The following RBFOX1 variants were observed in gnomAD, a reference collection of about 807,000 sequenced individuals.
The protein encoded by RBFOX1 is RNA binding fox-1 homolog 1, also known as RNA binding protein fox-1 homolog 1.
In RBFOX1, 8 loss-of-function variants were observed where a neutral mutation model predicts 57.7. That is an observed-to-expected ratio of 0.14 (90% CI 0.08 to 0.25). The LOEUF (loss-of-function observed/expected upper bound fraction) is 0.25. RBFOX1 is among the 10% of genes least tolerant of loss of function. The pLI is 1.00. For synonymous variants in RBFOX1, 326 were observed against 222.4 expected (o/e 1.47, Z -4.15); for missense variants, 611 against 548.5 (o/e 1.11, Z -1.14).
Position 6,794,831 on chromosome 16 carries a change from T to C in RBFOX1, c.-16+140181T>C, listed in dbSNP as rs201439268. On this transcript the variant is annotated intron_variant, in intron 3 of 15. Transcript: ENST00000550418. The stretch of plus-strand genomic sequence containing the variant: ...ATGGATTTTTATTTGATGCAGGCAC[T>C]GCTTTCCAAGGTAATTGTCAAGGGC... Among the ~76,000 whole-genome samples, 4 of 152,300 alleles carry C rather than the reference T, an allele frequency of 2.6e-5. No homozygotes were observed. In the East Asian group the frequency reaches 5.8e-4, roughly 22 times the overall value.
At chr16:7,139,694 T>A (rs558264683) in intron 4 of RBFOX1, among the ~76,000 whole-genome samples, 6 of 152,256 alleles carry the variant, frequency 3.9e-5, no homozygotes, top group African/African-American at 1.4e-4. Flanking sequence ...TTCAAGAATG[T>A]TGGGTTGGTG....
At chr16:5,588,835 G>A (rs764480076) in intron 2 of RBFOX1, among the ~76,000 whole-genome samples, 15 of 152,174 alleles carry the variant, frequency 9.9e-5, no homozygotes, top group Non-Finnish European at 2.2e-4. Context: ...CATTACAGAT[G>A]CCCACATGAG....
intron 3 of RBFOX1, 114 bp downstream of exon 3, chr16:6,654,764 C>A (rs1219836980): frequency 2.9e-6 from 2 of 689,692 alleles, no homozygotes; most frequent in Non-Finnish European, 4.5e-6. Flanking sequence ...GATTCACGGT[C>A]TATGACATAT....
At chr16:6,778,861 C>G (rs981535284) in intron 3 of RBFOX1, among the ~76,000 whole-genome samples, 1 of 144,794 alleles carries the variant, frequency 6.9e-6, no homozygotes, top group African/African-American at 2.6e-5. Flanking sequence ...ACCACACACT[C>G]TAGTTTTTTT....
intron 3 of RBFOX1, among the ~76,000 whole-genome samples, chr16:6,898,105 A>G (rs2067417546): frequency 6.6e-6 from 1 of 152,216 alleles, no homozygotes; most frequent in African/African-American, 2.4e-5. Flanking sequence ...AACCGAGTAA[A>G]TTCCACACCA....
intron 2 of RBFOX1, among the ~76,000 whole-genome samples, chr16:6,507,517 A>AAAC (rs2153762376): frequency 6.6e-6 from 1 of 151,088 alleles, no homozygotes; most frequent in African/African-American, 2.4e-5. Context: ...CAAAAAAAAA[A>AAAC]AAAAAAAAGC....
intron 4 of RBFOX1, among the ~76,000 whole-genome samples, chr16:7,360,009 A>C (rs1052915794): frequency 2.0e-5 from 3 of 151,616 alleles, no homozygotes; most frequent in African/African-American, 4.8e-5. Context: ...ACAAACAAAC[A>C]AAAAAACCAC....
At chr16:7,232,066 C>G (rs754392768) in intron 4 of RBFOX1, among the ~76,000 whole-genome samples, 1 of 152,038 alleles carries the variant, frequency 6.6e-6, no homozygotes, top group Non-Finnish European at 1.5e-5. Flanking sequence ...CGGTCTGTCA[C>G]CCAGGCTAGA....
intron 3 of RBFOX1, among the ~76,000 whole-genome samples, chr16:5,731,769 G>A (rs1384072509): frequency 6.6e-6 from 1 of 152,214 alleles, no homozygotes; most frequent in Admixed American, 6.5e-5. Context: ...TTGAGGTCAT[G>A]AAGAGGATAG....
At chr16:7,095,037 G>C (rs772565203) in intron 4 of RBFOX1, among the ~76,000 whole-genome samples, 1 of 152,032 alleles carries the variant, frequency 6.6e-6, no homozygotes, top group African/African-American at 2.4e-5. Flanking sequence ...TTGCAATTCT[G>C]TTATTTGCAA....
chr16:7,188,968 C>T (rs191570081), intron 4 of RBFOX1, among the ~76,000 whole-genome samples: 3 of 152,232 alleles, frequency 2.0e-5, no homozygotes, highest in African/African-American at 7.2e-5. Flanking sequence ...CTTGATAAAC[C>T]ACTCAAGGAA....
chr16:7,403,417 TCTC>T (rs1161712516), intron 4 of RBFOX1, among the ~76,000 whole-genome samples: 2 of 152,148 alleles, frequency 1.3e-5, no homozygotes, highest in South Asian at 2.1e-4. Context: ...CAACCACTCT[TCTC>T]CTGTCTGTCT....
intron 3 of RBFOX1, among the ~76,000 whole-genome samples, chr16:6,888,971 GC>G (rs2064797029): frequency 6.6e-6 from 1 of 152,168 alleles, no homozygotes; most frequent in Non-Finnish European, 1.5e-5. Context: ...GGCAGACACA[GC>G]TTTTCTGTTT....
chr16:5,660,163 G>A (rs11860056), intron 3 of RBFOX1, among the ~76,000 whole-genome samples: 4,838 of 152,248 alleles, frequency 0.032, 241 homozygotes, highest in African/African-American at 0.11. Context: ...TTGACTGGGG[G>A]ACCTGGAGTG....
chr16:5,725,449 G>C (rs2052109327), intron 3 of RBFOX1, among the ~76,000 whole-genome samples: 1 of 151,802 alleles, frequency 6.6e-6, no homozygotes, highest in Admixed American at 6.6e-5. Context: ...TTTTTGTAGA[G>C]ATGAGGTCTT....
At chr16:7,041,816 G>A (rs1597801690) in intron 3 of RBFOX1, among the ~76,000 whole-genome samples, 1 of 152,158 alleles carries the variant, frequency 6.6e-6, no homozygotes, top group Non-Finnish European at 1.5e-5. Flanking sequence ...AATACCAATT[G>A]CTGGTATTTG....
intron 3 of RBFOX1, among the ~76,000 whole-genome samples, chr16:6,767,853 G>C (rs1231794087): frequency 6.6e-6 from 1 of 151,454 alleles, no homozygotes; most frequent in Admixed American, 6.6e-5. Context: ...GGTGGAGGTT[G>C]CAGTGAGCCG....
chr16:6,675,701 A>G (rs2057518885), intron 3 of RBFOX1, among the ~76,000 whole-genome samples: 1 of 152,232 alleles, frequency 6.6e-6, no homozygotes. Context: ...GGCAGGCAAG[A>G]GAGAATGAGA....
intron 4 of RBFOX1, among the ~76,000 whole-genome samples, chr16:5,884,940 T>C (rs1034319145): frequency 3.3e-5 from 5 of 152,152 alleles, no homozygotes; most frequent in African/African-American, 1.2e-4. Flanking sequence ...TGGAAAGAGC[T>C]GGTGGTGCTG....
Sources: allele counts gnomAD v4.1 joint callset (sites outside exome capture counted in the v4.1 genomes callset), GRCh38; gene constraint gnomAD v4.1.1; transcripts MANE v1.5; gene names NCBI Gene and HGNC (gene_info 2026-07-23, HGNC 2026-07-21).